Variants in RUNX1 observed in about 807,000 individuals in gnomAD.
RUNX1 encodes the protein RUNX family transcription factor 1, also known as runt-related transcription factor 1.
A neutral mutation model predicts 42.8 loss-of-function variants in RUNX1; 19 were observed. That is an observed-to-expected ratio of 0.44 (90% confidence interval 0.31 to 0.65). The LOEUF (loss-of-function observed/expected upper bound fraction) is 0.65. RUNX1 is among the 30% of genes least tolerant of loss of function. The pLI is 0.07. For synonymous variants in RUNX1, 271 were observed against 289.4 expected, an observed-to-expected ratio of 0.94 and a Z score of 0.64; for missense variants, 528 against 672.0, an observed-to-expected ratio of 0.79 and a Z score of 2.37.
chr21:34,990,711 C>A (rs937313892), intron 2 of RUNX1, among the ~76,000 whole-genome samples: 1 of 151,884 alleles, frequency 6.6e-6, no homozygotes, highest in Non-Finnish European at 1.5e-5. Flanking sequence ...CCTGCCTCAG[C>A]CTCCCGAGTA....
intron 2 of RUNX1, among the ~76,000 whole-genome samples, chr21:35,001,349 A>G (rs146343627): frequency 4.3e-4 from 65 of 150,130 alleles, no homozygotes; most frequent in African/African-American, 1.6e-3. Context: ...TATATAACAT[A>G]CAGTTTGACA....
intron 6 of RUNX1, among the ~76,000 whole-genome samples, chr21:34,844,499 A>C (rs2057288902): frequency 6.6e-6 from 1 of 152,204 alleles, no homozygotes; most frequent in Non-Finnish European, 1.5e-5. Flanking sequence ...GGGCAGAGAC[A>C]CTGAGCATGT....
At chr21:35,005,940 C>T (rs1364645584) in intron 2 of RUNX1, among the ~76,000 whole-genome samples, 1 of 152,182 alleles carries the variant, frequency 6.6e-6, no homozygotes. Context: ...AGTACGTCCA[C>T]TCCAGCTGGA....
Position 34,901,712 on chromosome 21 carries a change from A to G in RUNX1, c.59-8749T>C, listed in dbSNP as rs2146488764. On this transcript the variant is annotated intron_variant, in intron 2 of 8. Transcript: ENST00000675419. The surrounding 1 kb of genome is among the most constrained non-coding windows in gnomAD (Gnocchi z 4.3). Reference sequence around the variant, plus strand: ...ACAGAGGTTATGTTTTAAGAGATAGACTGAGAAGTCACTCTCCACATGAAA... The same window carrying G: ...ACAGAGGTTATGTTTTAAGAGATAGGCTGAGAAGTCACTCTCCACATGAAA... Among the ~76,000 whole-genome samples the G allele has an allele frequency of 6.6e-6, 1 of 152,192 alleles. No individual in the cohort carries two copies. Among genetic ancestry groups the G allele is most frequent in the Non-Finnish European group, 1.5e-5 (1 of 67,994 alleles).
chr21:34,824,240 T>A (rs1252772359), intron 7 of RUNX1, among the ~76,000 whole-genome samples: 1 of 152,216 alleles, frequency 6.6e-6, no homozygotes, highest in East Asian at 1.9e-4. Flanking sequence ...AGACTTTCCA[T>A]AGCTTGCTAA....
chr21:34,958,642 T>C (rs1336305333), intron 2 of RUNX1, among the ~76,000 whole-genome samples: 4 of 152,340 alleles, frequency 2.6e-5, no homozygotes, highest in South Asian at 2.1e-4. Context: ...GTCAGTGTGG[T>C]GATTCCTCAG....
chr21:34,943,935 TC>T (rs1270308989), intron 2 of RUNX1, among the ~76,000 whole-genome samples: 1 of 152,242 alleles, frequency 6.6e-6, no homozygotes, highest in East Asian at 1.9e-4. Flanking sequence ...CCAAATCTTT[TC>T]CTTTTTAATA....
intron 5 of RUNX1, among the ~76,000 whole-genome samples, chr21:34,872,219 ACT>A (rs1344907276): frequency 6.6e-6 from 1 of 151,860 alleles, no homozygotes; most frequent in Non-Finnish European, 1.5e-5. Context: ...GGCTCCATGG[ACT>A]CTCTGCTGAA....
intron 7 of RUNX1, chr21:34,821,607 A>T: frequency 6.4e-7 from 1 of 1,552,690 alleles, no homozygotes; most frequent in Non-Finnish European, 8.7e-7. Context: ...TGAGGATGAG[A>T]TGGAAAAGAT....
chr21:35,040,941 T>A (rs1160701437), intron 2 of RUNX1, among the ~76,000 whole-genome samples: 1 of 152,132 alleles, frequency 6.6e-6, no homozygotes, highest in African/African-American at 2.4e-5. Flanking sequence ...TTCTTTAGGA[T>A]CTACTAACAA....
At chr21:34,956,140 G>A (rs73900736) in intron 2 of RUNX1, among the ~76,000 whole-genome samples, 7,211 of 152,162 alleles carry the variant, frequency 0.047, 547 homozygotes, top group African/African-American at 0.16. Flanking sequence ...GTGGGTTTTG[G>A]CACAAACCTT....
rs368887490 is a variant in RUNX1, at chr21:34,840,841, G to A, written c.614-6240C>T. Among the ~76,000 whole-genome samples the A allele has an allele frequency of 1.5e-4, 23 of 152,244 alleles. No homozygotes were observed. The East Asian group carries it at 3.3e-3, about 22-fold the overall frequency. Reference sequence around the variant, plus strand: ...TGGACAGTTAGTTATGAGTGACCTTGGACTTCAGTATTCAAAGGTGCCCTC... The same window carrying A: ...TGGACAGTTAGTTATGAGTGACCTTAGACTTCAGTATTCAAAGGTGCCCTC... On this transcript the variant is annotated intron_variant, in intron 6 of 8. Transcript: ENST00000675419.
At chr21:35,033,166 C>T (rs928887144) in intron 2 of RUNX1, among the ~76,000 whole-genome samples, 3 of 152,158 alleles carry the variant, frequency 2.0e-5, no homozygotes, top group African/African-American at 7.2e-5. Flanking sequence ...CATGCATTTG[C>T]CTATTCATCT....
Position 34,789,908 on chromosome 21 carries a change from C to T in RUNX1, c.*2227G>A, listed in dbSNP as rs986122033. 6 of 232,870 alleles carry T rather than the reference C, an allele frequency of 2.6e-5. No homozygotes were observed. The highest frequency in any genetic ancestry group is 4.2e-5 in the Non-Finnish European group (5 of 117,966). 14.4% of individuals were successfully genotyped at this position (232,870 alleles called of 1,614,324 possible). A position where few individuals can be genotyped will look rare whatever the true frequency, so the allele number is the denominator to read the frequency against. On this transcript the variant is annotated 3_prime_UTR_variant, in exon 9 of 9. Coordinates refer to ENST00000675419, the MANE Select transcript of RUNX1 (RefSeq NM_001754.5). ...CCTTCATTTTTCTCCAGCATTTTTG[C>T]AGGTCAGACATGGTAACATGTGCTG... is the stretch of plus-strand genomic sequence containing the variant.
intron 2 of RUNX1, among the ~76,000 whole-genome samples, chr21:34,919,441 T>C (rs943339123): frequency 3.3e-5 from 5 of 152,168 alleles, no homozygotes; most frequent in African/African-American, 1.2e-4. Flanking sequence ...CTTCTTGACC[T>C]ACTGACTTAC....
chr21:35,030,382 A>AT (rs2059264946), intron 2 of RUNX1, among the ~76,000 whole-genome samples: 1 of 152,116 alleles, frequency 6.6e-6, no homozygotes, highest in South Asian at 2.1e-4. Context: ...GGTGTAAGAT[A>AT]TTTTAAGGTG....
At chr21:35,047,553 A>ACTCTCT (rs1263740642) in intron 2 of RUNX1, among the ~76,000 whole-genome samples, 8 of 90,006 alleles carry the variant, frequency 8.9e-5, no homozygotes, top group African/African-American at 3.5e-4. Context: ...ACACACACAC[A>ACTCTCT]CACACACACT....
At chr21:35,017,157 C>A (rs1051985884) in intron 2 of RUNX1, among the ~76,000 whole-genome samples, 2 of 152,096 alleles carry the variant, frequency 1.3e-5, no homozygotes, top group Non-Finnish European at 2.9e-5. Context: ...GCACCCAGAC[C>A]TCCTCCACTT....
chr21:34,818,046 C>G (rs954543910), intron 7 of RUNX1, among the ~76,000 whole-genome samples: 1 of 152,238 alleles, frequency 6.6e-6, no homozygotes, highest in African/African-American at 2.4e-5. Flanking sequence ...ACAAAGTCCC[C>G]TCTACTTTCT....
Sources: gnomAD v4.1 joint callset for allele counts (sites outside exome capture counted in the v4.1 genomes callset) on GRCh38, gnomAD v4.1.1 for gene constraint, Gnocchi (gnomAD v3.1) non-coding constraint, MANE v1.5 for transcripts, NCBI Gene and HGNC (gene_info 2026-07-23, HGNC 2026-07-21) for gene names.